The following CORO2A variants were observed in gnomAD, a reference collection of about 807,000 sequenced individuals.
CORO2A encodes the protein coronin 2A, also known as coronin-2A.
In CORO2A, 47 loss-of-function variants were observed where a neutral mutation model predicts 62.4. The ratio of observed to expected loss-of-function variants is 0.75; its 90% confidence interval spans 0.60 to 0.96. CORO2A has a LOEUF of 0.96. Among genes scored for constraint, CORO2A ranks in the 40% least tolerant of loss-of-function variants. CORO2A has a pLI of 0.00. For missense variants in CORO2A, 610 were observed against 684.1 expected (o/e 0.89, Z 1.21); for synonymous variants, 273 against 268.9 (o/e 1.02, Z -0.15).
At chr9:98,148,790 AAC>A (rs1043918959) in intron 2 of CORO2A, among the ~76,000 whole-genome samples, 4 of 143,476 alleles carry the variant, frequency 2.8e-5, no homozygotes, top group Non-Finnish European at 6.2e-5. Flanking sequence ...AAAAAAACAA[AAC>A]ACACACACAC....
intron 1 of CORO2A, among the ~76,000 whole-genome samples, chr9:98,190,966 T>C (rs1038890149): frequency 2.0e-5 from 3 of 152,348 alleles, no homozygotes; most frequent in East Asian, 1.9e-4. Flanking sequence ...TAGAATTCCA[T>C]AGACTTTCAG....
intron 1 of CORO2A, among the ~76,000 whole-genome samples, chr9:98,177,227 A>AC (rs1828119971): frequency 6.6e-6 from 1 of 152,136 alleles, no homozygotes; most frequent in Non-Finnish European, 1.5e-5. Flanking sequence ...GTGAGGGGAA[A>AC]CCTGGAGCAC....
chr9:98,162,029 A>G (rs909336880), intron 1 of CORO2A, among the ~76,000 whole-genome samples: 2 of 152,122 alleles, frequency 1.3e-5, no homozygotes, highest in African/African-American at 2.4e-5. Context: ...ATGGTTTTTG[A>G]GTGCTTACAA....
intron 1 of CORO2A, among the ~76,000 whole-genome samples, chr9:98,184,143 G>C (rs1458959300): frequency 6.6e-6 from 1 of 152,056 alleles, no homozygotes; most frequent in Non-Finnish European, 1.5e-5. Flanking sequence ...GGGTGTCCTG[G>C]AAGCTGAATA....
intron 1 of CORO2A, among the ~76,000 whole-genome samples, chr9:98,164,471 C>T (rs1376823315): frequency 6.6e-6 from 1 of 152,146 alleles, no homozygotes; most frequent in African/African-American, 2.4e-5. Context: ...AATCAAAGCC[C>T]ATGGAGGATA....
At chr9:98,157,686 G>A (rs1223977417) in intron 1 of CORO2A, 26 bp from the exon 2 acceptor site, 5 of 1,595,136 alleles carry the variant, frequency 3.1e-6, no homozygotes, top group Non-Finnish European at 4.3e-6. Flanking sequence ...GGGACAAAGG[G>A]TATGAGGCTC....
At chr9:98,151,378 C>A (rs1482399816) in intron 2 of CORO2A, among the ~76,000 whole-genome samples, 1 of 152,168 alleles carries the variant, frequency 6.6e-6, no homozygotes, top group African/African-American at 2.4e-5. Context: ...AGTCTTTTAA[C>A]AATGTTCTAT....
intron 1 of CORO2A, among the ~76,000 whole-genome samples, chr9:98,184,678 T>C (rs182123971): frequency 1.2e-3 from 184 of 152,306 alleles, no homozygotes; most frequent in Admixed American, 1.8e-3. Context: ...TGATCTGTGA[T>C]GGGGCCATGG....
At chr9:98,182,841 C>T (rs775392558) in intron 1 of CORO2A, among the ~76,000 whole-genome samples, 7 of 152,226 alleles carry the variant, frequency 4.6e-5, no homozygotes, top group Non-Finnish European at 7.3e-5. Context: ...ATTTTAACAT[C>T]TCTGAAACTG....
chr9:98,124,539 T>C lies in CORO2A; in HGVS notation c.*235A>G, dbSNP rs1198918528. ...TCATCATGGGCCCTTAATAACAGAA[T>C]TCAACAGAAGGCATCATCTGAAAAC... is the stretch of plus-strand genomic sequence containing the variant. On this transcript the variant is annotated 3_prime_UTR_variant, in exon 12 of 12. Transcript: ENST00000375077. The C allele has an allele frequency of 1.5e-5, 6 of 389,424 alleles. No individual in the cohort carries two copies. Among genetic ancestry groups the C allele is most frequent in the Non-Finnish European group, 2.8e-5 (6 of 217,396 alleles). The allele number at this position is 389,424 out of a possible 1,614,324, so 24.1% of individuals were successfully genotyped here. A position where few individuals can be genotyped will look rare whatever the true frequency, so the allele number is the denominator to read the frequency against.
chr9:98,142,132 T>C (rs151200834), intron 2 of CORO2A, among the ~76,000 whole-genome samples: 10 of 152,342 alleles, frequency 6.6e-5, no homozygotes, highest in Non-Finnish European at 1.2e-4. Flanking sequence ...AAACTTCTGT[T>C]ATAAAACTGT....
chr9:98,138,548 C>G (rs1297342844), intron 2 of CORO2A, among the ~76,000 whole-genome samples: 1 of 152,146 alleles, frequency 6.6e-6, no homozygotes, highest in African/African-American at 2.4e-5. Flanking sequence ...CAGCAGAATA[C>G]TACTGTCCCT....
chr9:98,189,477 G>T (rs1026784188), intron 1 of CORO2A, among the ~76,000 whole-genome samples: 1 of 152,168 alleles, frequency 6.6e-6, no homozygotes, highest in Non-Finnish European at 1.5e-5. Flanking sequence ...GAAACCCCTC[G>T]GTGGGGAGCT....
intron 1 of CORO2A, among the ~76,000 whole-genome samples, chr9:98,190,790 A>AC (rs749197411): frequency 3.7e-4 from 56 of 152,326 alleles, no homozygotes; most frequent in Non-Finnish European, 5.3e-4. Context: ...ATGACAGGAG[A>AC]CCCAGGTAGC....
chr9:98,178,066 A>C (rs933988946), intron 1 of CORO2A, among the ~76,000 whole-genome samples: 1 of 152,028 alleles, frequency 6.6e-6, no homozygotes, highest in African/African-American at 2.4e-5. Context: ...ATTTTTTTAG[A>C]GACAGAGTCT....
intron 2 of CORO2A, among the ~76,000 whole-genome samples, chr9:98,149,017 C>T (rs1185012993): frequency 6.6e-6 from 1 of 152,032 alleles, no homozygotes; most frequent in Non-Finnish European, 1.5e-5. Flanking sequence ...GGGAACAGAT[C>T]TTTGTGATGA....
chr9:98,154,323 T>TTG (rs66488824), intron 2 of CORO2A, among the ~76,000 whole-genome samples: 7,344 of 97,556 alleles, frequency 0.075, 356 homozygotes, highest in African/African-American at 0.14. Context: ...TCTTATGTGT[T>TTG]TGTGTGTATA....
At chr9:98,188,687 C>T (rs967714281) in intron 1 of CORO2A, among the ~76,000 whole-genome samples, 1 of 152,094 alleles carries the variant, frequency 6.6e-6, no homozygotes, top group Admixed American at 6.6e-5. Context: ...TCACTTGAAC[C>T]CAGGAGGCAG....
intron 2 of CORO2A, among the ~76,000 whole-genome samples, chr9:98,152,899 T>C (rs1406928231): frequency 6.6e-6 from 1 of 152,154 alleles, no homozygotes; most frequent in East Asian, 1.9e-4. Context: ...CTGAATTGGA[T>C]TCTAGATCAG....
Sources: allele counts gnomAD v4.1 joint callset (sites outside exome capture counted in the v4.1 genomes callset), GRCh38; gene constraint gnomAD v4.1.1; transcripts MANE v1.5; gene names NCBI Gene and HGNC (gene_info 2026-07-23, HGNC 2026-07-21).